Variants in ATOSA observed in about 807,000 individuals in gnomAD.
The protein encoded by ATOSA is atos homolog A.
the ATOSA span, among the ~76,000 whole-genome samples, chr15:52,698,120 G>A: frequency 1.3e-5 from 2 of 151,660 alleles, no homozygotes; most frequent in South Asian, 2.1e-4. Context: ...GGGACTACAG[G>A]CGCGTGCCAC....
the ATOSA span, among the ~76,000 whole-genome samples, chr15:52,692,704 A>G: frequency 2.6e-5 from 4 of 152,108 alleles, no homozygotes; most frequent in African/African-American, 9.7e-5. Context: ...TCTGTTGACT[A>G]GGCTGGAGTG....
the ATOSA span, chr15:52,652,070 A>G: frequency 1.7e-5 from 25 of 1,450,996 alleles, no homozygotes; most frequent in East Asian, 1.0e-4. Context: ...GCAGAGTAAG[A>G]GCGCACATAG....
the ATOSA span, among the ~76,000 whole-genome samples, chr15:52,707,911 G>A: frequency 1.1e-4 from 17 of 152,206 alleles, no homozygotes; most frequent in South Asian, 2.1e-4. Context: ...CCTTTCCTAC[G>A]TGAGCCCCTG....
chr15:52,681,071 A>G, the ATOSA span, among the ~76,000 whole-genome samples: 1 of 152,246 alleles, frequency 6.6e-6, no homozygotes, highest in Non-Finnish European at 1.5e-5. Context: ...TGAGAGCAGA[A>G]GCCAAGACTA....
the ATOSA span, chr15:52,586,086 T>C: frequency 2.6e-5 from 4 of 152,234 alleles, no homozygotes; most frequent in East Asian, 1.9e-4. Context: ...TGATTCATTA[T>C]TATCACAACT....
At chr15:52,691,958 C>T in the ATOSA span, among the ~76,000 whole-genome samples, 1 of 152,088 alleles carries the variant, frequency 6.6e-6, no homozygotes, top group South Asian at 2.1e-4. Flanking sequence ...CATCAAAGAA[C>T]AGATCATGCC....
chr15:52,668,022 C>G, the ATOSA span, among the ~76,000 whole-genome samples: 2 of 152,200 alleles, frequency 1.3e-5, no homozygotes, highest in Non-Finnish European at 2.9e-5. Context: ...ATATCAGAGA[C>G]AGAACTACCA....
chr15:52,586,309 T>C, the ATOSA span: 3 of 152,324 alleles, frequency 2.0e-5, no homozygotes, highest in South Asian at 6.2e-4. Flanking sequence ...CATTCCTGTG[T>C]GATATGAAAT....
chr15:52,620,517 T>C, the ATOSA span, among the ~76,000 whole-genome samples: 1 of 152,320 alleles, frequency 6.6e-6, no homozygotes, highest in South Asian at 2.1e-4. Flanking sequence ...GTCTTTCCCA[T>C]TGCTAGGCTG....
the ATOSA span, among the ~76,000 whole-genome samples, chr15:52,631,967 C>A: frequency 6.6e-6 from 1 of 152,154 alleles, no homozygotes; most frequent in Non-Finnish European, 1.5e-5. Flanking sequence ...TCTCAAACTC[C>A]TGGCCTCAAG....
the ATOSA span, among the ~76,000 whole-genome samples, chr15:52,661,628 G>C: frequency 2.0e-5 from 3 of 152,060 alleles, no homozygotes; most frequent in African/African-American, 7.2e-5. Context: ...ATGTACCACT[G>C]TGTAACCTGA....
the ATOSA span, among the ~76,000 whole-genome samples, chr15:52,675,885 G>A: frequency 6.8e-6 from 1 of 147,970 alleles, no homozygotes; most frequent in Non-Finnish European, 1.5e-5. Flanking sequence ...CAGCCTGGGC[G>A]ACAGAGCGAG....
chr15:52,616,500 G>A, the ATOSA span, among the ~76,000 whole-genome samples: 2 of 152,172 alleles, frequency 1.3e-5, no homozygotes, highest in African/African-American at 2.4e-5. Context: ...TTGGGAGGCT[G>A]AGGCAAGAGA....
At chr15:52,658,721 T>A in the ATOSA span, 1 of 382,750 alleles carries the variant, frequency 2.6e-6, no homozygotes, top group African/African-American at 2.2e-5. Flanking sequence ...ATTCCAGACT[T>A]TAGGAGGCTG....
the ATOSA span, among the ~76,000 whole-genome samples, chr15:52,597,868 T>C: frequency 6.6e-6 from 1 of 152,198 alleles, no homozygotes; most frequent in Non-Finnish European, 1.5e-5. Flanking sequence ...CTTATGCCTG[T>C]AATCCCAGCA....
chr15:52,642,409 G>C, the ATOSA span, among the ~76,000 whole-genome samples: 1 of 152,122 alleles, frequency 6.6e-6, no homozygotes, highest in Admixed American at 6.5e-5. Context: ...GTAAAATGAA[G>C]GTATGTGAAA....
At chr15:52,657,127 G>A in the ATOSA span, 1 of 152,016 alleles carries the variant, frequency 6.6e-6, no homozygotes, top group Non-Finnish European at 1.5e-5. Flanking sequence ...GTAGCCGTTG[G>A]GTTACCCTGT....
the ATOSA span, among the ~76,000 whole-genome samples, chr15:52,614,191 C>T: frequency 7.9e-5 from 12 of 152,168 alleles, no homozygotes; most frequent in Admixed American, 2.6e-4. Flanking sequence ...CTGCAACCTC[C>T]GCCTCCTGGG....
chr15:52,688,509 G>A, the ATOSA span, among the ~76,000 whole-genome samples: 7 of 151,802 alleles, frequency 4.6e-5, no homozygotes, highest in East Asian at 1.9e-4. Context: ...GCAGGTCACC[G>A]TGTACTTTAA....
Sources: allele counts gnomAD v4.1 joint callset (sites outside exome capture counted in the v4.1 genomes callset), GRCh38; gene constraint gnomAD v4.1.1; transcripts MANE v1.5; gene names NCBI Gene and HGNC (gene_info 2026-07-23, HGNC 2026-07-21).